LRMDA: variants seen among roughly 807,000 people sequenced by gnomAD.
LRMDA encodes the protein leucine rich melanocyte differentiation associated.
LRMDA carries 18 observed loss-of-function variants against 29.8 expected under a neutral mutation model. The observed-to-expected ratio is 0.60, with a 90% CI of 0.42 to 0.90. LRMDA has a LOEUF of 0.90. Ranked by LOEUF, LRMDA falls within the 40% of genes least tolerant of loss-of-function variation. LRMDA has a pLI of 0.00. For missense variants in LRMDA, 273 were observed against 273.9 expected (o/e 1.00, Z 0.02); for synonymous variants, 125 against 109.4 (o/e 1.14, Z -0.89).
intron 5 of LRMDA, among the ~76,000 whole-genome samples, chr10:76,158,783 T>C (rs1006779771): frequency 6.6e-6 from 1 of 152,162 alleles, no homozygotes; most frequent in African/African-American, 2.4e-5. Flanking sequence ...TTATTCCTTC[T>C]AATAACCTAG....
In LRMDA at chr10:76,462,079, A is replaced by AAC. The variant is rs760147238; in HGVS notation, c.602-95130_602-95129insAC. Among the ~76,000 whole-genome samples, 1,216 of 138,182 alleles carry AAC rather than the reference A, an allele frequency of 8.8e-3. 10 individuals are homozygous for AAC. The highest frequency in any genetic ancestry group is 0.042 in the South Asian group (183 of 4,388). 90.7% of individuals were successfully genotyped at this position (138,182 alleles called of 152,430 possible). ...TGTCTCAAAAAAAAAAAAAAAAACC[A>AAC]CACACACACACACAAAAACAACAAC... On this transcript the variant is annotated intron_variant, in intron 6 of 6. Coordinates refer to ENST00000611255, the MANE Select transcript of LRMDA (RefSeq NM_001305581.2).
intron 2 of LRMDA, among the ~76,000 whole-genome samples, chr10:75,904,567 G>A (rs1201950494): frequency 1.3e-5 from 2 of 152,118 alleles, no homozygotes; most frequent in Non-Finnish European, 2.9e-5. Context: ...AGCTTCATTC[G>A]CTGCCACACT....
At chr10:76,480,894 G>A (rs1458898502) in intron 6 of LRMDA, among the ~76,000 whole-genome samples, 2 of 151,882 alleles carry the variant, frequency 1.3e-5, no homozygotes, top group African/African-American at 2.4e-5. Context: ...GTAATCATAT[G>A]TATTGAGAAA....
intron 5 of LRMDA, among the ~76,000 whole-genome samples, chr10:76,192,953 A>G (rs1477706935): frequency 6.6e-6 from 1 of 152,230 alleles, no homozygotes; most frequent in African/African-American, 2.4e-5. Flanking sequence ...AATGCCTTAC[A>G]ATATATTTGA....
At chr10:75,878,992 C>A (rs370530115) in intron 2 of LRMDA, among the ~76,000 whole-genome samples, 1 of 152,194 alleles carries the variant, frequency 6.6e-6, no homozygotes, top group East Asian at 1.9e-4. Flanking sequence ...CCAACGGAGA[C>A]GTTTCTTTCA....
At chr10:75,621,224 A>ACACACACACACACC (rs1554816440) in intron 2 of LRMDA, among the ~76,000 whole-genome samples, 1 of 143,168 alleles carries the variant, frequency 7.0e-6, no homozygotes, top group South Asian at 2.3e-4. Flanking sequence ...ACACACACAC[A>ACACACACACACACC]CCCACACACC....
At chr10:75,854,963 A>G (rs1458517708) in intron 2 of LRMDA, among the ~76,000 whole-genome samples, 1 of 152,122 alleles carries the variant, frequency 6.6e-6, no homozygotes, top group Non-Finnish European at 1.5e-5. Flanking sequence ...AATCCAGTCT[A>G]TCATTGTTGG....
At chr10:75,775,196 C>A (rs1434441210) in intron 2 of LRMDA, among the ~76,000 whole-genome samples, 1 of 152,188 alleles carries the variant, frequency 6.6e-6, no homozygotes, top group Non-Finnish European at 1.5e-5. Flanking sequence ...CAGATTTAGC[C>A]TTTGCAATTC....
chr10:76,010,429 C>CAGG, intron 2 of LRMDA, among the ~76,000 whole-genome samples: 1 of 151,904 alleles, frequency 6.6e-6, no homozygotes, highest in Non-Finnish European at 1.5e-5. Flanking sequence ...TCTCCTGCCT[C>CAGG]AGCCTCCTGA....
chr10:76,449,346 G>A (rs1389988346), intron 6 of LRMDA, among the ~76,000 whole-genome samples: 1 of 151,702 alleles, frequency 6.6e-6, no homozygotes. Context: ...TAAGTTATAT[G>A]TCCTTTATAT....
intron 2 of LRMDA, among the ~76,000 whole-genome samples, chr10:75,981,515 C>A (rs1208125658): frequency 1.3e-5 from 2 of 152,148 alleles, no homozygotes; most frequent in East Asian, 3.9e-4. Flanking sequence ...GGAATGGTTT[C>A]TTTGGCTTTG....
At chr10:75,904,366 G>A (rs1845724828) in intron 2 of LRMDA, among the ~76,000 whole-genome samples, 1 of 152,088 alleles carries the variant, frequency 6.6e-6, no homozygotes, top group Non-Finnish European at 1.5e-5. Flanking sequence ...TAATTCTGAG[G>A]TCCTGTAGTG....
chr10:75,722,024 C>T (rs896312952), intron 2 of LRMDA, among the ~76,000 whole-genome samples: 45 of 151,988 alleles, frequency 3.0e-4, no homozygotes, highest in African/African-American at 7.7e-4. Context: ...GGTGAGGTGA[C>T]GGCAAGATTA....
At chr10:75,927,314 A>G (rs903740820) in intron 2 of LRMDA, among the ~76,000 whole-genome samples, 1 of 152,218 alleles carries the variant, frequency 6.6e-6, no homozygotes. Flanking sequence ...TGTGCATCCC[A>G]TAAACCACTG....
chr10:75,803,885 C>T (rs1298889617), intron 2 of LRMDA, among the ~76,000 whole-genome samples: 1 of 152,216 alleles, frequency 6.6e-6, no homozygotes, highest in Non-Finnish European at 1.5e-5. Flanking sequence ...CCCTGCAGCA[C>T]AATCACTCTG....
intron 5 of LRMDA, among the ~76,000 whole-genome samples, chr10:76,193,991 C>T (rs140760847): frequency 2.3e-3 from 353 of 152,242 alleles, no homozygotes; most frequent in Non-Finnish European, 3.5e-3. Context: ...CAAATAATGG[C>T]ATTTATTCAG....
At chr10:75,927,517 T>A (rs1438588247) in intron 2 of LRMDA, among the ~76,000 whole-genome samples, 16 of 152,192 alleles carry the variant, frequency 1.1e-4, no homozygotes, top group Admixed American at 1.0e-3. Context: ...ATGGCTCACC[T>A]ACTCTTTCAA....
At chr10:75,543,310 A>G (rs1840042365) in intron 2 of LRMDA, among the ~76,000 whole-genome samples, 1 of 152,210 alleles carries the variant, frequency 6.6e-6, no homozygotes, top group Non-Finnish European at 1.5e-5. Flanking sequence ...AAATAACTCT[A>G]TTCTATTATA....
At chr10:75,745,404 G>T (rs948743832) in intron 2 of LRMDA, among the ~76,000 whole-genome samples, 1 of 152,108 alleles carries the variant, frequency 6.6e-6, no homozygotes, top group Non-Finnish European at 1.5e-5. Context: ...TCCTCATGCT[G>T]TACTTTAGAC....
Sources: gnomAD v4.1 joint callset for allele counts (sites outside exome capture counted in the v4.1 genomes callset) on GRCh38, gnomAD v4.1.1 for gene constraint, MANE v1.5 for transcripts, NCBI Gene and HGNC (gene_info 2026-07-23, HGNC 2026-07-21) for gene names.